The following ANO3 variants were observed in gnomAD, a reference collection of about 807,000 sequenced individuals.
ANO3 encodes anoctamin-3.
Under a neutral mutation model 144.8 loss-of-function variants are expected in ANO3, and 99 were observed. That is an observed-to-expected ratio of 0.68 (90% confidence interval 0.58 to 0.81). The LOEUF (loss-of-function observed/expected upper bound fraction) is 0.81, where lower values mean the gene tolerates loss of function less well. ANO3 is among the 30% of genes least tolerant of loss of function. The pLI, the probability that ANO3 is intolerant of heterozygous loss-of-function variation, is 0.00. For synonymous variants in ANO3, 414 were observed against 392.6 expected (o/e 1.05, Z -0.64); for missense variants, 905 against 1,202.2 (o/e 0.75, Z 3.66).
chr11:26,484,685 T>G (rs142034081), intron 4 of ANO3, among the ~76,000 whole-genome samples: 1 of 152,194 alleles, frequency 6.6e-6, no homozygotes, highest in East Asian at 1.9e-4. Flanking sequence ...GACCCCAGAA[T>G]GTTAAATCCA....
At chr11:26,347,083 T>C (rs569616027) in intron 1 of ANO3, among the ~76,000 whole-genome samples, 1 of 152,324 alleles carries the variant, frequency 6.6e-6, no homozygotes, top group South Asian at 2.1e-4. Context: ...GGAGGTAATG[T>C]AAGATGGTAG....
chr11:26,334,809 CAATGTCTCTTTTAAA>C (rs1370903087), intron 1 of ANO3, among the ~76,000 whole-genome samples: 1 of 152,142 alleles, frequency 6.6e-6, no homozygotes, highest in Admixed American at 6.5e-5. Context: ...CAAGTGAGCT[CAATGTCTCTTTTAAA>C]AATTTTGATT....
intron 17 of ANO3, among the ~76,000 whole-genome samples, chr11:26,620,695 C>T (rs1270790341): frequency 1.3e-5 from 2 of 152,048 alleles, no homozygotes; most frequent in Non-Finnish European, 2.9e-5. Context: ...TGATCCATTC[C>T]CATCTCTAGA....
At chr11:26,213,799 G>T (rs1013997012) in intron 1 of ANO3, among the ~76,000 whole-genome samples, 5 of 151,786 alleles carry the variant, frequency 3.3e-5, no homozygotes, top group African/African-American at 1.2e-4. Context: ...GACTTTTCAA[G>T]AAAGAGTTAA....
intron 1 of ANO3, among the ~76,000 whole-genome samples, chr11:26,374,864 C>T (rs1231295016): frequency 1.3e-5 from 2 of 152,308 alleles, no homozygotes; most frequent in African/African-American, 2.4e-5. Flanking sequence ...CTGACTAAGC[C>T]TCCTGAGTAA....
chr11:26,445,826 TTTATTA>T (rs200089142), intron 3 of ANO3, among the ~76,000 whole-genome samples: 1 of 151,644 alleles, frequency 6.6e-6, no homozygotes, highest in Non-Finnish European at 1.5e-5. Flanking sequence ...ATTATTTTAT[TTTATTA>T]TTATTATTAT....
At chr11:26,538,158 T>C (rs1449986386) in intron 10 of ANO3, among the ~76,000 whole-genome samples, 1 of 152,214 alleles carries the variant, frequency 6.6e-6, no homozygotes, top group Non-Finnish European at 1.5e-5. Context: ...ATGTATTGAG[T>C]ACTTGCTATT....
At chr11:26,309,809 G>C (rs537345481) in intron 1 of ANO3, 10 of 568,376 alleles carry the variant, frequency 1.8e-5, no homozygotes, top group Non-Finnish European at 2.2e-5. Flanking sequence ...TACAGGGGGG[G>C]TGAAAATTTA....
intron 12 of ANO3, among the ~76,000 whole-genome samples, chr11:26,552,110 A>G (rs897332502): frequency 1.3e-5 from 2 of 152,014 alleles, no homozygotes; most frequent in African/African-American, 4.8e-5. Flanking sequence ...TAAATTGAAC[A>G]TTGTTTTTCT....
At chr11:26,510,516 A>C (rs1344510124) in intron 5 of ANO3, among the ~76,000 whole-genome samples, 1 of 152,120 alleles carries the variant, frequency 6.6e-6, no homozygotes, top group Non-Finnish European at 1.5e-5. Context: ...AGAATTAATC[A>C]CTCTTCATCT....
At chr11:26,220,401 C>T (rs1044323760) in intron 1 of ANO3, among the ~76,000 whole-genome samples, 20 of 152,214 alleles carry the variant, frequency 1.3e-4, no homozygotes, top group Admixed American at 4.6e-4. Context: ...GGATCACTCA[C>T]GAGGCCTTAC....
At chr11:26,236,557 G>A (rs1005648673) in intron 1 of ANO3, among the ~76,000 whole-genome samples, 16 of 152,138 alleles carry the variant, frequency 1.1e-4, no homozygotes, top group Non-Finnish European at 2.4e-4. Flanking sequence ...CGCGGCTCAT[G>A]CCTGTAATCC....
chr11:26,547,409 C>G lies in ANO3; in HGVS notation c.1155-7C>G. On this transcript the variant is annotated splice_region_variant and splice_polypyrimidine_tract_variant and intron_variant, in intron 11 of 26. Transcript: ENST00000256737. ...AACTCAGTCTAAGGATTTGCTTTCT[C>G]ATGCAGGCTATACTTTGGTGAGAAG... 1 of 1,610,734 alleles carries G rather than the reference C, an allele frequency of 6.2e-7. No homozygotes were observed.
intron 14 of ANO3, among the ~76,000 whole-genome samples, chr11:26,595,532 A>C (rs1214211075): frequency 7.4e-6 from 1 of 135,894 alleles, no homozygotes; most frequent in Non-Finnish European, 1.5e-5. Flanking sequence ...AACAGCTCAC[A>C]CGTTTGAGCA....
rs543787419 is a variant in ANO3 at position 26,660,838 on chromosome 11, C to T, written c.*394C>T. 7.9e-5 allele frequency: 13 copies of T among 165,526 alleles called. No individual in the cohort carries two copies. The highest frequency in any genetic ancestry group is 5.6e-3 in the Middle Eastern group (2 of 354). 10.3% of individuals were successfully genotyped at this position (165,526 alleles called of 1,614,324 possible). A position where few individuals can be genotyped will look rare whatever the true frequency, so the allele number is the denominator to read the frequency against. On this transcript the variant is annotated 3_prime_UTR_variant, in exon 27 of 27. Transcript: ENST00000256737. ...GGCTTAAAATATCATGCAGTCTTCACTCACATACTAATTTGACTTTGGAAA... is the reference window on the plus strand; with the variant it reads ...GGCTTAAAATATCATGCAGTCTTCATTCACATACTAATTTGACTTTGGAAA...
At chr11:26,317,808 C>T (rs1013076574) in intron 1 of ANO3, among the ~76,000 whole-genome samples, 4 of 152,162 alleles carry the variant, frequency 2.6e-5, no homozygotes, top group South Asian at 2.1e-4. Flanking sequence ...CACATGCATA[C>T]GTATGTTTAT....
rs552514402 is a variant in ANO3 at position 26,422,009 on chromosome 11, T to G, written c.47-19909T>G. On this transcript the variant is annotated intron_variant, in intron 1 of 26. Coordinates refer to ENST00000256737, the MANE Select transcript of ANO3 (RefSeq NM_031418.4). The stretch of plus-strand genomic sequence containing the variant: ...ATTAACTAATGGGTACTAGGCTTAA[T>G]AGCTGGGTGATGAAGTAATCTCTGC... Among the ~76,000 whole-genome samples, 8 of 152,132 alleles carry G rather than the reference T, an allele frequency of 5.3e-5. No homozygotes were observed. In the South Asian group the frequency reaches 1.7e-3, roughly 32 times the overall value.
rs561011437 is a variant in ANO3, at chr11:26,595,372, A to G, written c.1448-2993A>G. On this transcript the variant is annotated intron_variant, in intron 14 of 26. Coordinates refer to ENST00000256737, the MANE Select transcript of ANO3 (RefSeq NM_031418.4). ...TTCAAACAACCCAGCTGCCCCATCC[A>G]GATTCATTCCCATAAACAACAGTTC... Among the ~76,000 whole-genome samples the G allele has an allele frequency of 4.0e-5, 6 of 151,054 alleles. No individual in the cohort carries two copies. The South Asian group carries it at 8.4e-4, about 21-fold the overall frequency.
chr11:26,307,874 C>G (rs538337838), upstream of ANO3, among the ~76,000 whole-genome samples: 6 of 152,128 alleles, frequency 3.9e-5, no homozygotes, highest in East Asian at 1.2e-3. Flanking sequence ...GCCTAGGGTT[C>G]TGTGAACAGG....
Sources: gnomAD v4.1 joint callset for allele counts (sites outside exome capture counted in the v4.1 genomes callset) on GRCh38, gnomAD v4.1.1 for gene constraint, MANE v1.5 for transcripts, NCBI Gene and HGNC (gene_info 2026-07-23, HGNC 2026-07-21) for gene names.